The following PBX3 variants were observed in gnomAD, a reference collection of about 807,000 sequenced individuals.
PBX3 encodes PBX homeobox 3.
A neutral mutation model predicts 48.5 loss-of-function variants in PBX3; 14 were observed. That is an observed-to-expected ratio of 0.29 (90% confidence interval 0.19 to 0.45). PBX3 has a LOEUF of 0.45. PBX3 is among the 20% of genes least tolerant of loss of function. The probability of loss-of-function intolerance (pLI) is 1.00; values close to 1 mark genes in which losing one functional copy is unlikely to be tolerated. For missense variants in PBX3, 386 were observed against 546.7 expected (o/e 0.71, Z 2.93); for synonymous variants, 210 against 200.3 (o/e 1.05, Z -0.41).
chr9:125,888,649 C>T (rs1840561012), intron 2 of PBX3, among the ~76,000 whole-genome samples: 1 of 151,676 alleles, frequency 6.6e-6, no homozygotes, highest in African/African-American at 2.4e-5. Context: ...ATTACTTACT[C>T]ATTATAAAAA....
At position 125,917,711 on chromosome 9, in the gene PBX3, C is replaced by T. The variant is rs144787458; in HGVS notation, c.516+1784C>T. ...TATTAAGCAAATGCTGAATCCTATC[C>T]CAGAGGTGAGTGTGTTTTGAGGAAG... On this transcript the variant is annotated intron_variant, in intron 3 of 8. Transcript: ENST00000373489. 1.8e-3 allele frequency among the ~76,000 whole-genome samples: 277 copies of T among 152,058 alleles called. 2 individuals carry two copies. The highest frequency in any genetic ancestry group is 6.2e-3 in the African/African-American group (256 of 41,488).
chr9:125,751,684 AAT>A (rs1836379661), intron 2 of PBX3, among the ~76,000 whole-genome samples: 3 of 152,338 alleles, frequency 2.0e-5, no homozygotes, highest in East Asian at 3.9e-4. Context: ...TTAAAATAAA[AAT>A]AGTTGTTTAT....
intron 3 of PBX3, among the ~76,000 whole-genome samples, chr9:125,916,481 G>A (rs1841337969): frequency 6.6e-6 from 1 of 152,154 alleles, no homozygotes; most frequent in Non-Finnish European, 1.5e-5. Context: ...GGGAATGCTA[G>A]GCAAGGCATT....
chr9:125,963,012 G>A lies in PBX3; in HGVS notation c.1123G>A (p.Val375Met), dbSNP rs1010079299. The A allele has an allele frequency of 1.9e-6, 3 of 1,591,308 alleles. No homozygotes were observed. The highest frequency in any genetic ancestry group is 8.6e-7 in the Non-Finnish European group (1 of 1,161,270). ...SQVGANVQSQ[V>M]DTLRHVINQT... ...GAATTTTGTTTTGTCTCACTTCTAG[G>A]TGGATACCCTCCGTCATGTTATCAA... The change falls in exon 8 of 9, where the codon GTG becomes ATG. Residue 375 changes from valine to methionine, a missense_variant and splice_region_variant. Transcript: ENST00000373489.
At chr9:125,825,411 G>A (rs541860760) in intron 2 of PBX3, among the ~76,000 whole-genome samples, 31 of 151,446 alleles carry the variant, frequency 2.0e-4, no homozygotes, top group African/African-American at 7.5e-4. Context: ...TAACACGTTA[G>A]CATAAGTATC....
intron 2 of PBX3, among the ~76,000 whole-genome samples, chr9:125,887,825 G>A (rs1318365561): frequency 6.6e-6 from 1 of 152,132 alleles, no homozygotes; most frequent in East Asian, 1.9e-4. Flanking sequence ...ATCAAGCATA[G>A]TGTCTGGACA....
intron 2 of PBX3, among the ~76,000 whole-genome samples, chr9:125,805,273 C>T (rs187675846): frequency 7.1e-4 from 107 of 151,552 alleles, no homozygotes; most frequent in Non-Finnish European, 1.4e-3. Flanking sequence ...AGAGTGGATG[C>T]CTTTGGGATT....
At chr9:125,778,487 G>A (rs1170982236) in intron 2 of PBX3, among the ~76,000 whole-genome samples, 1 of 151,576 alleles carries the variant, frequency 6.6e-6, no homozygotes, top group Non-Finnish European at 1.5e-5. Flanking sequence ...TTGAACTCCT[G>A]ACCTCGTGAT....
Position 125,949,050 on chromosome 9 carries a change from C to T in PBX3, c.844-11634C>T, listed in dbSNP as rs530346930. On this transcript the variant is annotated intron_variant, in intron 5 of 8. Transcript: ENST00000373489. Reference sequence around the variant, plus strand: ...TGCTGGAATTACAGGCATGAGCCACCGCACCCATCCAGTGCTGTCCTTTCC... The same window carrying T: ...TGCTGGAATTACAGGCATGAGCCACTGCACCCATCCAGTGCTGTCCTTTCC... Among the ~76,000 whole-genome samples, 5 of 152,228 alleles carry T rather than the reference C, an allele frequency of 3.3e-5. No homozygotes were observed. The South Asian group carries it at 8.3e-4, about 25-fold the overall frequency.
chr9:125,816,438 A>C (rs943256521), intron 2 of PBX3, among the ~76,000 whole-genome samples: 3 of 152,218 alleles, frequency 2.0e-5, no homozygotes, highest in Admixed American at 6.5e-5. Context: ...AGTTGTCTTC[A>C]ATTGTTATTG....
chr9:125,959,213 A>G (rs1209486236), intron 5 of PBX3, among the ~76,000 whole-genome samples: 1 of 152,252 alleles, frequency 6.6e-6, no homozygotes, highest in Non-Finnish European at 1.5e-5. Context: ...TGATATGAAG[A>G]AAAGAAGGGA....
At chr9:125,824,038 T>C (rs951241007) in intron 2 of PBX3, among the ~76,000 whole-genome samples, 1 of 149,578 alleles carries the variant, frequency 6.7e-6, no homozygotes, top group Non-Finnish European at 1.5e-5. Flanking sequence ...ATCGTGCCAC[T>C]GCACTCCAGC....
At chr9:125,831,011 C>T (rs995996862) in intron 2 of PBX3, among the ~76,000 whole-genome samples, 4 of 152,178 alleles carry the variant, frequency 2.6e-5, no homozygotes, top group Non-Finnish European at 5.9e-5. Context: ...GATTCACATT[C>T]CTTCCTCCTG....
chr9:125,785,380 G>C (rs1325608778), intron 2 of PBX3, among the ~76,000 whole-genome samples: 2 of 152,178 alleles, frequency 1.3e-5, no homozygotes, highest in African/African-American at 4.8e-5. Context: ...GGAAGAAGGT[G>C]GGGTAACCTG....
chr9:125,836,411 C>T (rs1424825694), intron 2 of PBX3, among the ~76,000 whole-genome samples: 1 of 152,054 alleles, frequency 6.6e-6, no homozygotes, highest in Non-Finnish European at 1.5e-5. Flanking sequence ...CATCACTGCA[C>T]TCCAGCCTGG....
intron 2 of PBX3, among the ~76,000 whole-genome samples, chr9:125,791,638 T>C (rs1031125718): frequency 2.6e-5 from 4 of 152,124 alleles, no homozygotes. Context: ...CCTTCTGCCA[T>C]GATTTAAGTT....
chr9:125,748,373 C>G (rs1001661110), intron 1 of PBX3, 177 bp from the exon 2 acceptor site: 1 of 1,331,834 alleles, frequency 7.5e-7, no homozygotes, highest in Non-Finnish European at 9.7e-7. Context: ...CTTTCGCCGC[C>G]GGGGCTTGCT....
chr9:125,851,980 A>T (rs746955257), intron 2 of PBX3, among the ~76,000 whole-genome samples: 4 of 151,446 alleles, frequency 2.6e-5, no homozygotes, highest in Non-Finnish European at 5.9e-5. Flanking sequence ...AGAAAAAGGC[A>T]CCATTAGTTT....
chr9:125,842,303 G>GC (rs1839309578), intron 2 of PBX3, among the ~76,000 whole-genome samples: 1 of 152,158 alleles, frequency 6.6e-6, no homozygotes, highest in South Asian at 2.1e-4. Flanking sequence ...GCTCTGGCCT[G>GC]CAGAGACAGT....
Sources: allele counts gnomAD v4.1 joint callset (sites outside exome capture counted in the v4.1 genomes callset), GRCh38; gene constraint gnomAD v4.1.1; transcripts MANE v1.5; gene names NCBI Gene and HGNC (gene_info 2026-07-23, HGNC 2026-07-21).